VNN2: variants seen among roughly 807,000 people sequenced by gnomAD.
VNN2 encodes vanin 2.
VNN2 carries 43 observed loss-of-function variants against 43.0 expected under a neutral mutation model. The ratio of observed to expected loss-of-function variants is 1.00; its 90% CI spans 0.78 to 1.29. The LOEUF (loss-of-function observed/expected upper bound fraction) is 1.29, where lower values mean the gene tolerates loss of function less well. Ranked by LOEUF, VNN2 falls within the 50% of genes most tolerant of loss-of-function variation. VNN2 has a pLI of 0.00. For missense variants in VNN2, 652 were observed against 619.7 expected, an observed-to-expected ratio of 1.05 and a Z score of -0.55; for synonymous variants, 230 against 224.3, an observed-to-expected ratio of 1.03 and a Z score of -0.23.
intron 3 of VNN2, among the ~76,000 whole-genome samples, chr6:132,754,197 G>T (rs1020515857): frequency 1.3e-5 from 2 of 152,070 alleles, no homozygotes; most frequent in South Asian, 4.1e-4. Context: ...CAAATAAACT[G>T]CATTGAAAGA....
intron 6 of VNN2, among the ~76,000 whole-genome samples, chr6:132,747,846 A>C (rs1333215049): frequency 1.3e-5 from 2 of 152,128 alleles, no homozygotes; most frequent in Non-Finnish European, 2.9e-5. Context: ...CCACCTTCAA[A>C]CACTTATGTG....
intron 3 of VNN2, chr6:132,753,703 G>C (rs1026980281): frequency 1.7e-5 from 4 of 231,690 alleles, no homozygotes; most frequent in Non-Finnish European, 2.7e-5. Flanking sequence ...TGTAATCCAA[G>C]CACTTTGGGA....
At chr6:132,753,429 G>A (rs981785281) in intron 3 of VNN2, 10 of 442,162 alleles carry the variant, frequency 2.3e-5, no homozygotes, top group African/African-American at 1.6e-4. Context: ...TGTAAGTCAG[G>A]TGAGAGATGT....
intron 5 of VNN2, among the ~76,000 whole-genome samples, chr6:132,750,389 C>T (rs780589896): frequency 6.6e-6 from 1 of 151,700 alleles, no homozygotes; most frequent in Non-Finnish European, 1.5e-5. Context: ...CATGTTATCC[C>T]AGCAATTTGG....
chr6:132,755,773 T>G, intron 3 of VNN2, 70 bp downstream of exon 3: 2 of 1,436,566 alleles, frequency 1.4e-6, no homozygotes, highest in Non-Finnish European at 1.9e-6. Flanking sequence ...GGAATGAAAT[T>G]CAAACTCCTA....
At chr6:132,749,493 C>A (rs537449557) in intron 6 of VNN2, among the ~76,000 whole-genome samples, 2 of 152,230 alleles carry the variant, frequency 1.3e-5, no homozygotes, top group East Asian at 1.9e-4. Context: ...GCCCAGCCAA[C>A]GTCAACTGAG....
chr6:132,751,273 G>A lies in VNN2; in HGVS notation c.1072C>T (p.Leu358Phe). 1.2e-6 allele frequency: 2 copies of A among 1,614,114 alleles called. No individual in the cohort carries two copies. Among genetic ancestry groups the A allele is most frequent in the Non-Finnish European group, 8.5e-7 (1 of 1,180,022 alleles). The change falls in exon 5 of 7, where the codon CTT becomes TTT. Residue 358 changes from leucine (L) to phenylalanine (F), a missense_variant. By Grantham distance (22) the Leu-to-Phe change is conservative. Transcript: ENST00000326499. The stretch of plus-strand genomic sequence containing the variant: ...CAAAGCTCCTTTTGACAGACTGTAA[G>A]GTTTCCTGCATTTTCAAAAAGTTCT... Reference protein sequence around the residue: ...FTELFENAGNLTVCQKELCCH... With the variant: ...FTELFENAGNFTVCQKELCCH...
chr6:132,753,605 G>A (rs904182164), intron 3 of VNN2: 1 of 325,012 alleles, frequency 3.1e-6, no homozygotes, highest in Non-Finnish European at 6.1e-6. Context: ...ATGGTCTGCA[G>A]TGTAGAAAAA....
chr6:132,755,524 C>G (rs1780409587), intron 3 of VNN2, among the ~76,000 whole-genome samples: 1 of 151,862 alleles, frequency 6.6e-6, no homozygotes, highest in Non-Finnish European at 1.5e-5. Context: ...CAGGCATGTG[C>G]CATCACGCCC....
At chr6:132,750,995 C>T (rs963359325) in intron 5 of VNN2, 150 bp downstream of exon 5, 11 of 852,824 alleles carry the variant, frequency 1.3e-5, no homozygotes, top group South Asian at 5.6e-5. Context: ...CATAAATGCA[C>T]GTGTGTGTGT....
At chr6:132,760,245 G>A (rs1780708615), upstream of VNN2, among the ~76,000 whole-genome samples, 1 of 152,080 alleles carries the variant, frequency 6.6e-6, no homozygotes, top group African/African-American at 2.4e-5. Context: ...TATGATCATG[G>A]CTCACTTCAG....
At chr6:132,757,377 G>C in intron 2 of VNN2, 39 bp downstream of exon 2, 1 of 1,560,400 alleles carries the variant, frequency 6.4e-7, no homozygotes, top group Non-Finnish European at 8.7e-7. Flanking sequence ...GCATTTTAGA[G>C]AGTTACTTTT....
At chr6:132,755,696 GC>G in intron 3 of VNN2, 146 bp downstream of exon 3, 1 of 860,460 alleles carries the variant, frequency 1.2e-6, no homozygotes, top group Non-Finnish European at 1.7e-6. Flanking sequence ...TTTCTTTATT[GC>G]CCACTTTCAA....
upstream of VNN2, among the ~76,000 whole-genome samples, chr6:132,759,916 T>C (rs1359424584): frequency 6.6e-6 from 1 of 152,226 alleles, no homozygotes; most frequent in Non-Finnish European, 1.5e-5. Flanking sequence ...AGTGTATAAT[T>C]AGTAAATTAG....
chr6:132,758,107 C>T (rs905400803), upstream of VNN2: 1 of 405,056 alleles, frequency 2.5e-6, no homozygotes, highest in Non-Finnish European at 4.3e-6. Context: ...TGCAGTGGCG[C>T]AAGCTCAGCT....
At chr6:132,759,278 A>G (rs979065576), upstream of VNN2, among the ~76,000 whole-genome samples, 3 of 151,462 alleles carry the variant, frequency 2.0e-5, no homozygotes, top group Non-Finnish European at 4.4e-5. Flanking sequence ...ATCTCTACCA[A>G]AAACACAAAA....
rs760299526 is a variant in VNN2 at position 132,752,609 on chromosome 6, A to T, written c.678T>A (p.Asp226Glu). 2 of 1,614,188 alleles carry T rather than the reference A, an allele frequency of 1.2e-6. No homozygotes were observed. The highest frequency in any genetic ancestry group is 3.3e-5 in the Admixed American group (2 of 60,026). Reference sequence around the variant, plus strand: ...GAAACAGTATGGTGTCCACATGGAAATCTTTCACCAGGGTAACACCAGGAT... The same window carrying T: ...GAAACAGTATGGTGTCCACATGGAATTCTTTCACCAGGGTAACACCAGGAT... Reference protein sequence around the residue: ...FYDPGVTLVKDFHVDTILFPT... With the variant: ...FYDPGVTLVKEFHVDTILFPT... Residue 226 changes from aspartate to glutamate, a missense_variant, in exon 4 of 7, where the codon GAT (aspartate) becomes GAA (glutamate). Transcript: ENST00000326499.
upstream of VNN2, chr6:132,760,611 A>T (rs990388149): frequency 6.6e-6 from 1 of 152,014 alleles, no homozygotes; most frequent in Admixed American, 6.6e-5. Context: ...CTCCATAAGT[A>T]CAATTTGGGC....
intron 3 of VNN2, chr6:132,753,331 G>A (rs1780248444): frequency 3.0e-6 from 1 of 335,776 alleles, no homozygotes; most frequent in Admixed American, 3.7e-5. Context: ...GGCCCTATAA[G>A]CTTCTTAAAA....
Sources: allele counts gnomAD v4.1 joint callset (sites outside exome capture counted in the v4.1 genomes callset), GRCh38; gene constraint gnomAD v4.1.1; transcripts MANE v1.5; gene names NCBI Gene and HGNC (gene_info 2026-07-23, HGNC 2026-07-21).